Variants in NCKAP5 observed in about 807,000 individuals in gnomAD.
NCKAP5 encodes nck-associated protein 5.
In NCKAP5, 92 loss-of-function variants were observed where a neutral mutation model predicts 167.0. The observed-to-expected ratio is 0.55, with a 90% CI of 0.47 to 0.66. The LOEUF (loss-of-function observed/expected upper bound fraction) is 0.66, where lower values mean the gene tolerates loss of function less well. NCKAP5 is among the 30% of genes least tolerant of loss of function. The pLI is 0.00. For missense variants in NCKAP5, 2,378 were observed against 2,315.0 expected (o/e 1.03, Z -0.56); for synonymous variants, 891 against 877.4 (o/e 1.02, Z -0.27).
rs200931819 is a variant in NCKAP5, at chr2:132,749,745, GA to G, written c.5129-17695del. Reference sequence around the variant, plus strand: ...TACATATAAGACAAAATACATGGGGGAAAAAAAACCTTCAAATGTCTGCTTA... The same window carrying G: ...TACATATAAGACAAAATACATGGGGGAAAAAAACCTTCAAATGTCTGCTTA... On this transcript the variant is annotated intron_variant, in intron 16 of 19. Coordinates refer to ENST00000409261, the MANE Select transcript of NCKAP5 (RefSeq NM_207363.3). Among the ~76,000 whole-genome samples the G allele has an allele frequency of 6.3e-3, 953 of 151,462 alleles. 32 individuals carry two copies. Among genetic ancestry groups the G allele is most frequent in the Admixed American group, 0.044 (674 of 15,220 alleles).
intron 16 of NCKAP5, among the ~76,000 whole-genome samples, chr2:132,753,443 A>G (rs1036295185): frequency 2.0e-5 from 3 of 152,214 alleles, no homozygotes; most frequent in African/African-American, 7.2e-5. Flanking sequence ...TGGTCTGAGA[A>G]CAATTCTAAA....
intron 3 of NCKAP5, among the ~76,000 whole-genome samples, chr2:133,403,307 C>A (rs892229405): frequency 6.6e-6 from 1 of 152,102 alleles, no homozygotes. Context: ...ATTGGCATTG[C>A]CACAGTATTA....
At chr2:133,131,967 C>CAAAA (rs3051214) in intron 5 of NCKAP5, among the ~76,000 whole-genome samples, 1 of 148,180 alleles carries the variant, frequency 6.7e-6, no homozygotes. Context: ...AGAAACAGGC[C>CAAAA]AAAAAAAAAA....
At chr2:133,037,575 C>T (rs776378008) in intron 6 of NCKAP5, among the ~76,000 whole-genome samples, 1 of 152,016 alleles carries the variant, frequency 6.6e-6, no homozygotes, top group Non-Finnish European at 1.5e-5. Context: ...TAAATGGTAC[C>T]GGTGAAACTG....
At chr2:132,982,151 T>A (rs987132007) in intron 7 of NCKAP5, among the ~76,000 whole-genome samples, 21 of 152,342 alleles carry the variant, frequency 1.4e-4, no homozygotes, top group African/African-American at 5.0e-4. Flanking sequence ...AGCTGTATAA[T>A]AATGATAATA....
At chr2:133,480,839 T>C (rs1460938687) in intron 3 of NCKAP5, among the ~76,000 whole-genome samples, 1 of 152,136 alleles carries the variant, frequency 6.6e-6, no homozygotes, top group Non-Finnish European at 1.5e-5. Flanking sequence ...AGGCAGTTGT[T>C]CGTGACAAGA....
At chr2:133,129,438 T>C (rs2082520203) in intron 6 of NCKAP5, among the ~76,000 whole-genome samples, 3 of 152,248 alleles carry the variant, frequency 2.0e-5, no homozygotes, top group Non-Finnish European at 4.4e-5. Flanking sequence ...TCATTTTTTA[T>C]GGCTGCATAG....
chr2:133,112,214 C>T (rs1182173916), intron 6 of NCKAP5, among the ~76,000 whole-genome samples: 1 of 152,204 alleles, frequency 6.6e-6, no homozygotes, highest in Non-Finnish European at 1.5e-5. Flanking sequence ...GTGGCTCACA[C>T]CTGTAATCCC....
intron 6 of NCKAP5, chr2:133,117,137 T>A (rs1053248901): frequency 2.6e-5 from 4 of 152,172 alleles, no homozygotes; most frequent in African/African-American, 9.7e-5. Flanking sequence ...AGGACTGTTT[T>A]AAGAATTAAA....
chr2:133,034,733 C>A (rs1022713928), intron 6 of NCKAP5, among the ~76,000 whole-genome samples: 2 of 151,598 alleles, frequency 1.3e-5, no homozygotes, highest in African/African-American at 4.8e-5. Flanking sequence ...ATTTGCAAAC[C>A]CTATGGTAAC....
intron 8 of NCKAP5, among the ~76,000 whole-genome samples, chr2:132,887,693 C>T (rs62178882): frequency 0.33 from 49,523 of 151,976 alleles, 8,402 homozygotes; most frequent in Non-Finnish European, 0.37. Flanking sequence ...GTCACCCAGG[C>T]TGGAGTGTAG....
chr2:133,369,631 G>T (rs1685673123), intron 3 of NCKAP5, among the ~76,000 whole-genome samples: 1 of 152,090 alleles, frequency 6.6e-6, no homozygotes, highest in Non-Finnish European at 1.5e-5. Context: ...CAAACACAGG[G>T]GGATTAAAAA....
intron 6 of NCKAP5, among the ~76,000 whole-genome samples, chr2:133,053,225 C>T (rs993582220): frequency 6.6e-6 from 1 of 152,144 alleles, no homozygotes; most frequent in Non-Finnish European, 1.5e-5. Flanking sequence ...GGTCTAACAA[C>T]CATTCCTCCA....
At chr2:133,179,120 C>A (rs916759111) in intron 5 of NCKAP5, among the ~76,000 whole-genome samples, 1 of 152,028 alleles carries the variant, frequency 6.6e-6, no homozygotes, top group Non-Finnish European at 1.5e-5. Flanking sequence ...GCCACACAGA[C>A]CCTGTCTTTA....
chr2:132,677,421 T>G (rs2104999388), intron 19 of NCKAP5, among the ~76,000 whole-genome samples: 1 of 152,300 alleles, frequency 6.6e-6, no homozygotes, highest in Middle Eastern at 3.4e-3. Flanking sequence ...CTTTATTAAT[T>G]TAATTCCTTG....
chr2:133,063,163 G>A (rs1263094506), intron 6 of NCKAP5, among the ~76,000 whole-genome samples: 1 of 152,146 alleles, frequency 6.6e-6, no homozygotes, highest in African/African-American at 2.4e-5. Context: ...AATCACAGCA[G>A]GAGGAAGCTG....
chr2:132,838,084 T>C (rs1216837458), intron 11 of NCKAP5, among the ~76,000 whole-genome samples: 1 of 152,196 alleles, frequency 6.6e-6, no homozygotes, highest in Non-Finnish European at 1.5e-5. Flanking sequence ...TTTCAACTTA[T>C]TCACAAGTCA....
At chr2:133,656,293 T>A in the NCKAP5 span, among the ~76,000 whole-genome samples, 30 of 152,114 alleles carry the variant, frequency 2.0e-4, no homozygotes, top group African/African-American at 6.7e-4. Context: ...AAAAACCATC[T>A]TTTGAGGAGA....
intron 5 of NCKAP5, among the ~76,000 whole-genome samples, chr2:133,132,481 G>GCACACACACACACACA (rs373384379): frequency 3.1e-5 from 4 of 130,000 alleles, no homozygotes; most frequent in African/African-American, 8.7e-5. Context: ...GAAAAAAAAA[G>GCACACACACACACACA]CACACACACA....
Sources: gnomAD v4.1 joint callset for allele counts (sites outside exome capture counted in the v4.1 genomes callset) on GRCh38, gnomAD v4.1.1 for gene constraint, MANE v1.5 for transcripts, NCBI Gene and HGNC (gene_info 2026-07-23, HGNC 2026-07-21) for gene names.